The following MGMT variants were observed in gnomAD, a reference collection of about 807,000 sequenced individuals.
MGMT encodes the protein O-6-methylguanine-DNA methyltransferase.
A neutral mutation model predicts 15.9 loss-of-function variants in MGMT; 14 were observed. The ratio of observed to expected loss-of-function variants is 0.88; its 90% CI spans 0.58 to 1.37. The LOEUF (loss-of-function observed/expected upper bound fraction) is 1.37, where lower values mean the gene tolerates loss of function less well. MGMT is among the 40% of genes most tolerant of loss of function. MGMT has a pLI of 0.00. For missense variants in MGMT, 282 were observed against 268.1 expected, an observed-to-expected ratio of 1.05 and a Z score of -0.36; for synonymous variants, 130 against 118.2, an observed-to-expected ratio of 1.10 and a Z score of -0.65.
chr10:129,674,883 G>T (rs1847766918), intron 2 of MGMT, among the ~76,000 whole-genome samples: 1 of 152,252 alleles, frequency 6.6e-6, no homozygotes, highest in Admixed American at 6.5e-5. Context: ...AGTCCACAGT[G>T]CAGGGGAGGA....
At chr10:129,525,439 T>C (rs1845858575) in intron 1 of MGMT, among the ~76,000 whole-genome samples, 1 of 152,178 alleles carries the variant, frequency 6.6e-6, no homozygotes, top group Admixed American at 6.5e-5. Context: ...GGTTTTATAA[T>C]GTGCCACGCG....
At chr10:129,720,146 T>C (rs1002218507) in intron 3 of MGMT, among the ~76,000 whole-genome samples, 3 of 152,316 alleles carry the variant, frequency 2.0e-5, no homozygotes, top group East Asian at 1.9e-4. Flanking sequence ...GTGTTTTGGT[T>C]TGTCATCTCC....
intron 3 of MGMT, among the ~76,000 whole-genome samples, chr10:129,740,189 A>G (rs1305538081): frequency 2.6e-5 from 4 of 152,248 alleles, no homozygotes; most frequent in Admixed American, 2.0e-4. Context: ...GCTAACATGC[A>G]TCAGGTGCTC....
intron 2 of MGMT, among the ~76,000 whole-genome samples, chr10:129,571,008 A>G (rs1418755569): frequency 2.0e-5 from 3 of 152,184 alleles, no homozygotes; most frequent in Non-Finnish European, 4.4e-5. Context: ...TTTGTTTTAG[A>G]TAATCTCTTC....
In MGMT at chr10:129,608,150, G is replaced by A. The variant is rs1365095003; in HGVS notation, c.125+71773G>A. 5.9e-5 allele frequency among the ~76,000 whole-genome samples: 9 copies of A among 152,288 alleles called. No homozygotes were observed. In the East Asian group the frequency reaches 7.7e-4, roughly 13 times the overall value. On this transcript the variant is annotated intron_variant, in intron 2 of 4. Transcript: ENST00000651593. ...TACATGTTTATAATAGAAAAAAAAC[G>A]GGGTTGCCACGTTGACTTGCAATAT...
intron 2 of MGMT, among the ~76,000 whole-genome samples, chr10:129,598,268 C>T (rs1305514685): frequency 6.6e-6 from 1 of 152,188 alleles, no homozygotes; most frequent in Non-Finnish European, 1.5e-5. Context: ...GAGCCAGGCT[C>T]CCTGAGATTG....
intron 3 of MGMT, among the ~76,000 whole-genome samples, chr10:129,712,895 C>T (rs759694855): frequency 1.1e-4 from 17 of 152,236 alleles, no homozygotes; most frequent in African/African-American, 4.1e-4. Context: ...GATGGCCTCC[C>T]CTGGAAAGAG....
intron 4 of MGMT, among the ~76,000 whole-genome samples, chr10:129,763,073 T>C (rs1461549337): frequency 6.6e-6 from 1 of 152,200 alleles, no homozygotes. Flanking sequence ...ATGTTATTTT[T>C]GTTGGAAACA....
chr10:129,598,121 G>A (rs1302321430), intron 2 of MGMT, among the ~76,000 whole-genome samples: 1 of 152,184 alleles, frequency 6.6e-6, no homozygotes, highest in East Asian at 1.9e-4. Context: ...CACCGTGGAT[G>A]CGGCCAGCAA....
At chr10:129,531,309 C>A (rs1375913687) in intron 1 of MGMT, among the ~76,000 whole-genome samples, 1 of 152,156 alleles carries the variant, frequency 6.6e-6, no homozygotes, top group Admixed American at 6.5e-5. Context: ...CAGGCCACCA[C>A]TGTGCCAGCC....
chr10:129,479,891 G>A (rs987063052), intron 1 of MGMT, among the ~76,000 whole-genome samples: 14 of 151,972 alleles, frequency 9.2e-5, no homozygotes, highest in Admixed American at 6.6e-4. Context: ...AAACTTATGA[G>A]GGATCCCAAA....
chr10:129,588,820 G>T (rs982513866), intron 2 of MGMT, among the ~76,000 whole-genome samples: 41 of 152,230 alleles, frequency 2.7e-4, no homozygotes, highest in African/African-American at 9.2e-4. Context: ...TTTGGAGCTG[G>T]TATCTTTACA....
intron 2 of MGMT, chr10:129,536,794 CAG>C (rs1315089465): frequency 6.5e-6 from 1 of 153,238 alleles, no homozygotes; most frequent in Non-Finnish European, 1.5e-5. Context: ...CCTGTTCCTC[CAG>C]AGTCTGCCAG....
At chr10:129,527,191 A>G (rs1361253946) in intron 1 of MGMT, among the ~76,000 whole-genome samples, 1 of 152,248 alleles carries the variant, frequency 6.6e-6, no homozygotes, top group Non-Finnish European at 1.5e-5. Context: ...AGAGGCAGAC[A>G]GCACTGAGTC....
rs929085147 is a variant in MGMT at position 129,770,835 on chromosome 10, C to T, written c.*3838C>T. On this transcript the variant is annotated 3_prime_UTR_variant, in exon 5 of 5. Transcript: ENST00000651593. ...TGTCTGCATGTCTTCTTGTTGCCATCGGGGCAGTGGAGTCCCCGGAAACAG... is the reference window on the plus strand; with the variant it reads ...TGTCTGCATGTCTTCTTGTTGCCATTGGGGCAGTGGAGTCCCCGGAAACAG... Among the ~76,000 whole-genome samples the T allele has an allele frequency of 2.0e-5, 3 of 151,992 alleles. No homozygotes were observed. Among genetic ancestry groups the T allele is most frequent in the Non-Finnish European group, 1.5e-5 (1 of 68,038 alleles).
rs528619010 is a variant in MGMT, at chr10:129,532,537, A to T, written c.-12-3704A>T. Among the ~76,000 whole-genome samples, 2 of 152,048 alleles carry T rather than the reference A, an allele frequency of 1.3e-5. No homozygotes were observed. The highest frequency in any genetic ancestry group is 4.2e-4 in the South Asian group (2 of 4,814). On this transcript the variant is annotated intron_variant, in intron 1 of 4. Transcript: ENST00000651593. This position sits in a 1 kb window ranked among gnomAD's most constrained non-coding sequence, Gnocchi z 5.3. ...CCTTCCTCCGGGTGGGGGACACCCCATCCCCCATGCCCCTACTTCAGCTTG... is the reference window on the plus strand; with the variant it reads ...CCTTCCTCCGGGTGGGGGACACCCCTTCCCCCATGCCCCTACTTCAGCTTG...
chr10:129,652,299 G>A (rs563497433), intron 2 of MGMT, among the ~76,000 whole-genome samples: 2 of 152,342 alleles, frequency 1.3e-5, no homozygotes, highest in South Asian at 2.1e-4. Flanking sequence ...AGCAGCCCCC[G>A]AGCGGAGACG....
At chr10:129,714,665 G>A (rs1370603990) in intron 3 of MGMT, among the ~76,000 whole-genome samples, 2 of 152,198 alleles carry the variant, frequency 1.3e-5, no homozygotes, top group Non-Finnish European at 2.9e-5. Context: ...AATGGATGTA[G>A]CTCCTATGAA....
At chr10:129,486,210 C>T (rs1183504635) in intron 1 of MGMT, among the ~76,000 whole-genome samples, 5 of 136,700 alleles carry the variant, frequency 3.7e-5, no homozygotes, top group African/African-American at 1.4e-4. Context: ...GGGGGGTAGA[C>T]AGAGTCTTGC....
Sources: gnomAD v4.1 joint callset for allele counts (sites outside exome capture counted in the v4.1 genomes callset) on GRCh38, gnomAD v4.1.1 for gene constraint, Gnocchi (gnomAD v3.1) non-coding constraint, MANE v1.5 for transcripts, NCBI Gene and HGNC (gene_info 2026-07-23, HGNC 2026-07-21) for gene names.